The following TUSC3 variants were observed in gnomAD, a reference collection of about 807,000 sequenced individuals.
TUSC3 encodes tumor suppressor candidate 3, also known as dolichyl-diphosphooligosaccharide--protein glycosyltransferase subunit TUSC3.
TUSC3 carries 45 observed loss-of-function variants against 44.8 expected under a neutral mutation model. The ratio of observed to expected loss-of-function variants is 1.00; its 90% CI spans 0.79 to 1.29. TUSC3 has a LOEUF of 1.29. Among genes scored for constraint, TUSC3 ranks in the 50% most tolerant of loss-of-function variants. The pLI is 0.00. For missense variants in TUSC3, 519 were observed against 437.9 expected (o/e 1.19, Z -1.65); for synonymous variants, 212 against 152.9 (o/e 1.39, Z -2.85).
At chr8:15,525,503 A>C (rs187070290) in intron 2 of TUSC3, among the ~76,000 whole-genome samples, 16 of 152,352 alleles carry the variant, frequency 1.1e-4, no homozygotes, top group Non-Finnish European at 2.1e-4. Flanking sequence ...TTAATGTATA[A>C]TATGGCAAAT....
In TUSC3 at chr8:15,654,755, C is replaced by G. The variant is rs1411004686; in HGVS notation, c.426+3941C>G. On this transcript the variant is annotated intron_variant, in intron 3 of 10. Coordinates refer to ENST00000503731, the MANE Select transcript of TUSC3 (RefSeq NM_006765.4). ...GAGGTTGCAGTGAGCCGAGATCGTG[C>G]CATTGCCCTCCAGCCTGGGTGACAC... 2.6e-5 allele frequency among the ~76,000 whole-genome samples: 4 copies of G among 152,024 alleles called. No homozygotes were observed. The East Asian group carries it at 5.8e-4, about 22-fold the overall frequency.
chr8:15,524,274 T>A (rs2129129959), intron 2 of TUSC3, among the ~76,000 whole-genome samples: 1 of 152,230 alleles, frequency 6.6e-6, no homozygotes, highest in Admixed American at 6.5e-5. Context: ...TTATATAATA[T>A]ATTTCAATAT....
intron 1 of TUSC3, among the ~76,000 whole-genome samples, chr8:15,610,302 G>T (rs1037044390): frequency 6.6e-6 from 1 of 151,944 alleles, no homozygotes; most frequent in Admixed American, 6.6e-5. Context: ...TGATGTTTTC[G>T]CTGATAAAAT....
intron 6 of TUSC3, among the ~76,000 whole-genome samples, chr8:15,702,266 A>T (rs900806910): frequency 1.3e-5 from 2 of 152,166 alleles, no homozygotes; most frequent in South Asian, 2.1e-4. Context: ...TTGAGTAAGA[A>T]ACCCTTTTGT....
chr8:15,605,306 T>C (rs1391098560), intron 1 of TUSC3, among the ~76,000 whole-genome samples: 1 of 151,936 alleles, frequency 6.6e-6, no homozygotes, highest in Non-Finnish European at 1.5e-5. Flanking sequence ...ACTCTTTTTT[T>C]GCATGTCTCT....
At chr8:15,484,117 A>G (rs566197155) in intron 2 of TUSC3, among the ~76,000 whole-genome samples, 1 of 151,486 alleles carries the variant, frequency 6.6e-6, no homozygotes, top group East Asian at 1.9e-4. Flanking sequence ...GCAACCATAA[A>G]TTTTCTAATT....
At chr8:15,719,104 C>G (rs940165747) in intron 6 of TUSC3, among the ~76,000 whole-genome samples, 5 of 152,200 alleles carry the variant, frequency 3.3e-5, no homozygotes, top group Admixed American at 6.6e-5. Context: ...TGCTTCTATG[C>G]TTGCTTCGTT....
intron 2 of TUSC3, among the ~76,000 whole-genome samples, chr8:15,625,742 G>A (rs745570110): frequency 1.3e-5 from 2 of 152,190 alleles, no homozygotes; most frequent in Admixed American, 6.5e-5. Flanking sequence ...GGTAGAAAGG[G>A]AATGAGAGTG....
chr8:15,627,437 C>T (rs906492637), intron 2 of TUSC3, among the ~76,000 whole-genome samples: 4 of 152,212 alleles, frequency 2.6e-5, no homozygotes, highest in African/African-American at 9.6e-5. Context: ...GTGCTTCTTT[C>T]TTCCTGGATG....
At chr8:15,502,226 C>G (rs958142085) in intron 2 of TUSC3, among the ~76,000 whole-genome samples, 9 of 152,334 alleles carry the variant, frequency 5.9e-5, no homozygotes, top group African/African-American at 2.2e-4. Context: ...AGTCTACAAA[C>G]TGCTTATTTC....
intron 1 of TUSC3, among the ~76,000 whole-genome samples, chr8:15,576,747 T>A (rs1249318029): frequency 1.0e-4 from 14 of 136,680 alleles, no homozygotes; most frequent in African/African-American, 4.0e-4. Flanking sequence ...GTCTTTGCTA[T>A]TGTGAATAAT....
chr8:15,760,577 G>A (rs1232499525), intron 10 of TUSC3, among the ~76,000 whole-genome samples: 2 of 151,986 alleles, frequency 1.3e-5, no homozygotes, highest in African/African-American at 4.8e-5. Context: ...TAAATCATTG[G>A]GGGGTGGGAC....
intron 1 of TUSC3, among the ~76,000 whole-genome samples, chr8:15,420,761 C>T (rs984669988): frequency 4.6e-5 from 7 of 152,100 alleles, no homozygotes; most frequent in Non-Finnish European, 8.8e-5. Context: ...GTGGTGTTCC[C>T]TGTCTCTTCA....
At chr8:15,672,602 A>G (rs1807998397) in intron 5 of TUSC3, among the ~76,000 whole-genome samples, 1 of 152,070 alleles carries the variant, frequency 6.6e-6, no homozygotes, top group African/African-American at 2.4e-5. Flanking sequence ...GGTACTTTAA[A>G]CATACCAGTG....
At chr8:15,550,727 A>G (rs1490342783) in intron 1 of TUSC3, among the ~76,000 whole-genome samples, 1 of 151,464 alleles carries the variant, frequency 6.6e-6, no homozygotes, top group African/African-American at 2.4e-5. Flanking sequence ...GTTGGAGTGC[A>G]GTGGCATGGT....
chr8:15,450,545 C>A (rs1282986923), intron 1 of TUSC3, among the ~76,000 whole-genome samples: 1 of 152,116 alleles, frequency 6.6e-6, no homozygotes, highest in Admixed American at 6.6e-5. Context: ...TTCACCCCAC[C>A]TGTAATCCTA....
At chr8:15,698,687 C>T (rs759901841) in intron 6 of TUSC3, among the ~76,000 whole-genome samples, 1 of 152,096 alleles carries the variant, frequency 6.6e-6, no homozygotes, top group Non-Finnish European at 1.5e-5. Context: ...GTGCCATTCT[C>T]TCATTACTAG....
rs1159521704 is a variant in TUSC3 at position 15,765,134 on chromosome 8, C to T, written c.*978C>T. The T allele has an allele frequency of 6.6e-6, 1 of 151,976 alleles. No individual in the cohort carries two copies. Among genetic ancestry groups the T allele is most frequent in the Admixed American group, 6.6e-5 (1 of 15,216 alleles). 9.4% of individuals were successfully genotyped at this position (151,976 alleles called of 1,614,324 possible). A position where few individuals can be genotyped will look rare whatever the true frequency, so the allele number is the denominator to read the frequency against. Reference sequence around the variant, plus strand: ...GTATCCTGTTTTAGTTTATAAAGCACTTTCACATACATTATGGTATTTCTT... The same window carrying T: ...GTATCCTGTTTTAGTTTATAAAGCATTTTCACATACATTATGGTATTTCTT... On this transcript the variant is annotated 3_prime_UTR_variant, in exon 11 of 11. Coordinates refer to ENST00000503731, the MANE Select transcript of TUSC3 (RefSeq NM_006765.4).
chr8:15,741,179 A>G (rs1467087204), intron 7 of TUSC3, among the ~76,000 whole-genome samples: 1 of 152,152 alleles, frequency 6.6e-6, no homozygotes, highest in East Asian at 1.9e-4. Flanking sequence ...TTATATGTGT[A>G]TAAAATTTGA....
Sources: allele counts gnomAD v4.1 joint callset (sites outside exome capture counted in the v4.1 genomes callset), GRCh38; gene constraint gnomAD v4.1.1; transcripts MANE v1.5; gene names NCBI Gene and HGNC (gene_info 2026-07-23, HGNC 2026-07-21).